RGS3: variants seen among roughly 807,000 people sequenced by gnomAD.
The protein encoded by RGS3 is regulator of G protein signaling 3.
A neutral mutation model predicts 132.6 loss-of-function variants in RGS3; 80 were observed. The ratio of observed to expected loss-of-function variants is 0.60; its 90% CI spans 0.50 to 0.73. The LOEUF (loss-of-function observed/expected upper bound fraction) is 0.73, where lower values mean the gene tolerates loss of function less well. RGS3 is among the 30% of genes least tolerant of loss of function. RGS3 has a pLI of 0.00. For missense variants in RGS3, 1,382 were observed against 1,530.8 expected, an observed-to-expected ratio of 0.90 and a Z score of 1.62; for synonymous variants, 598 against 620.6, an observed-to-expected ratio of 0.96 and a Z score of 0.54.
chr9:113,514,402 G>T, intron 14 of RGS3, 56 bp from the exon 13 acceptor site: 1 of 1,494,318 alleles, frequency 6.7e-7, no homozygotes, highest in Non-Finnish European at 9.2e-7. Context: ...CTACAGAGGG[G>T]ACACCTTTGC....
chr9:113,541,453 T>G (rs2118655634), intron 19 of RGS3: 1 of 1,609,886 alleles, frequency 6.2e-7, no homozygotes, highest in African/African-American at 1.3e-5. Context: ...GGACTCTGCT[T>G]CTGGCAACTT....
intron 19 of RGS3, among the ~76,000 whole-genome samples, chr9:113,564,333 G>A (rs2118837232): frequency 6.6e-6 from 1 of 152,320 alleles, no homozygotes; most frequent in East Asian, 1.9e-4. Context: ...AGGATTCAGT[G>A]AATTAATGCA....
rs141770316 is a variant in RGS3, at chr9:113,463,027, C to T, written c.415+826C>T. On this transcript the variant is annotated intron_variant, in intron 3 of 24. Transcript: ENST00000350696. This position sits in a 1 kb window ranked among gnomAD's most constrained non-coding sequence, Gnocchi z 4.6. ...GTTTGACCTTCCAGCTCTGCCTCCC[C>T]GCACCAGGCTGGGGGATTCACCCAC... 4.6e-5 allele frequency among the ~76,000 whole-genome samples: 7 copies of T among 152,314 alleles called. No individual in the cohort carries two copies. The highest frequency in any genetic ancestry group is 9.6e-5 in the African/African-American group (4 of 41,564).
intron 18 of RGS3, among the ~76,000 whole-genome samples, chr9:113,532,095 C>T (rs940898456): frequency 6.6e-6 from 1 of 152,170 alleles, no homozygotes; most frequent in Non-Finnish European, 1.5e-5. Context: ...AAGGTCTGTG[C>T]TTGGCTGACC....
At chr9:113,530,493 C>T (rs1158957346) in intron 18 of RGS3, among the ~76,000 whole-genome samples, 1 of 152,160 alleles carries the variant, frequency 6.6e-6, no homozygotes, top group Non-Finnish European at 1.5e-5. Flanking sequence ...GTGTTTAGTT[C>T]CACAGAGCCA....
chr9:113,472,207 G>A (rs368177227), intron 3 of RGS3, among the ~76,000 whole-genome samples: 16 of 152,142 alleles, frequency 1.1e-4, no homozygotes, highest in South Asian at 4.1e-4. Context: ...AAAGTTTGGC[G>A]GTTCCTCAAA....
intron 5 of RGS3, 29 bp downstream of exon 3, chr9:113,483,146 G>A: frequency 2.7e-6 from 4 of 1,487,528 alleles, no homozygotes; most frequent in Non-Finnish European, 2.8e-6. Context: ...GATGGAGAGT[G>A]GGATATTGAG....
intron 3 of RGS3, among the ~76,000 whole-genome samples, chr9:113,467,022 T>A (rs1395717856): frequency 1.3e-5 from 2 of 152,188 alleles, no homozygotes; most frequent in Non-Finnish European, 2.9e-5. Context: ...GTTTTCAAGT[T>A]TAATCCATGT....
intron 17 of RGS3, among the ~76,000 whole-genome samples, chr9:113,528,428 C>T (rs1489144639): frequency 2.0e-5 from 3 of 152,204 alleles, no homozygotes; most frequent in Non-Finnish European, 4.4e-5. Context: ...CTTGGAATGT[C>T]CTTTCTTCCC....
intron 19 of RGS3, chr9:113,582,235 A>G: frequency 1.0e-6 from 1 of 983,926 alleles, no homozygotes; most frequent in Non-Finnish European, 1.2e-6. Flanking sequence ...GCAGCTGTAC[A>G]ATAGTGGGTA....
intron 15 of RGS3, among the ~76,000 whole-genome samples, chr9:113,516,390 T>G (rs1403256751): frequency 6.6e-6 from 1 of 151,686 alleles, no homozygotes; most frequent in Non-Finnish European, 1.5e-5. Flanking sequence ...GGAGTTTCAC[T>G]CTTTTTGCCC....
At chr9:113,594,934 A>G in exon 23 of RGS3, 1 of 1,614,058 alleles carries the variant, frequency 6.2e-7, no homozygotes, top group Middle Eastern at 1.7e-4. Context: ...CCTCAGAGGA[A>G]GCCCTCAAGT....
intron 1 of RGS3, among the ~76,000 whole-genome samples, chr9:113,460,534 A>AT (rs908434111): frequency 1.3e-5 from 2 of 151,246 alleles, no homozygotes; most frequent in South Asian, 2.1e-4. Context: ...AAAAAAAAAA[A>AT]TTTTTTTTTC....
intron 14 of RGS3, among the ~76,000 whole-genome samples, chr9:113,512,658 C>T (rs1481589264): frequency 6.6e-6 from 1 of 152,116 alleles, no homozygotes; most frequent in Non-Finnish European, 1.5e-5. Flanking sequence ...GCCACCTGTT[C>T]CCCCCTCGCT....
At chr9:113,450,682 G>C (rs1829219920) in intron 1 of RGS3, among the ~76,000 whole-genome samples, 1 of 152,090 alleles carries the variant, frequency 6.6e-6, no homozygotes, top group Non-Finnish European at 1.5e-5. Flanking sequence ...AAAGAATATT[G>C]AGGAGGGAAG....
At chr9:113,452,979 CATAATAT>C (rs1465560889) in intron 1 of RGS3, among the ~76,000 whole-genome samples, 5 of 115,206 alleles carry the variant, frequency 4.3e-5, no homozygotes, top group Non-Finnish European at 7.0e-5. Flanking sequence ...TATATTTATA[CATAATAT>C]ATAATATATA....
chr9:113,587,668 C>T (rs182160065), intron 20 of RGS3, among the ~76,000 whole-genome samples: 1 of 152,370 alleles, frequency 6.6e-6, no homozygotes, highest in East Asian at 1.9e-4. Flanking sequence ...CTCCGGTCCA[C>T]ACCCCTGTTA....
chr9:113,596,738 C>A, intron 24 of RGS3, 30 bp from the exon 23 acceptor site: 1 of 1,582,790 alleles, frequency 6.3e-7, no homozygotes, highest in Non-Finnish European at 8.6e-7. Flanking sequence ...CAGCAGGCAG[C>A]CCTGACCATG....
At chr9:113,503,455 A>C (rs963891852) in intron 10 of RGS3, 2 of 151,776 alleles carry the variant, frequency 1.3e-5, no homozygotes, top group Non-Finnish European at 2.9e-5. Context: ...CCTCCTTCAC[A>C]CTCCCATCTG....
Sources: allele counts gnomAD v4.1 joint callset (sites outside exome capture counted in the v4.1 genomes callset), GRCh38; gene constraint gnomAD v4.1.1; non-coding constraint Gnocchi (gnomAD v3.1); transcripts MANE v1.5; gene names NCBI Gene and HGNC (gene_info 2026-07-23, HGNC 2026-07-21).